The following STAG1 variants were observed in gnomAD, a reference collection of about 807,000 sequenced individuals.
STAG1 encodes STAG1 cohesin complex component, also known as cohesin subunit SA-1.
A neutral mutation model predicts 170.9 loss-of-function variants in STAG1; 26 were observed. That is an observed-to-expected ratio of 0.15 (90% CI 0.11 to 0.21). The LOEUF (loss-of-function observed/expected upper bound fraction) is 0.21, where lower values mean the gene tolerates loss of function less well. Ranked by LOEUF, STAG1 falls within the 10% of genes least tolerant of loss-of-function variation. The probability of loss-of-function intolerance (pLI) is 1.00; values close to 1 mark genes in which losing one functional copy is unlikely to be tolerated. For missense variants in STAG1, 964 were observed against 1,509.5 expected (o/e 0.64, Z 5.99); for synonymous variants, 514 against 497.7 (o/e 1.03, Z -0.44).
At chr3:136,679,576 A>C (rs989665149) in intron 1 of STAG1, among the ~76,000 whole-genome samples, 6 of 152,126 alleles carry the variant, frequency 3.9e-5, no homozygotes, top group Admixed American at 2.0e-4. Context: ...AAAAGACAAA[A>C]AAATTAGCCG....
chr3:136,676,753 A>T (rs920946524), intron 1 of STAG1, among the ~76,000 whole-genome samples: 1 of 150,816 alleles, frequency 6.6e-6, no homozygotes, highest in East Asian at 1.9e-4. Context: ...TTTGTTTTAC[A>T]TCCTTGTTCT....
At chr3:136,685,841 C>T (rs4408829) in intron 1 of STAG1, among the ~76,000 whole-genome samples, 99,600 of 152,022 alleles carry the variant, frequency 0.66, 34,939 homozygotes, top group African/African-American at 0.9. Flanking sequence ...CAAAATATTT[C>T]AGCTGGGAAT....
intron 3 of STAG1, among the ~76,000 whole-genome samples, chr3:136,612,102 C>A (rs1000605903): frequency 1.3e-5 from 2 of 152,140 alleles, no homozygotes; most frequent in Non-Finnish European, 2.9e-5. Flanking sequence ...CCGCCTCGGC[C>A]TCCCAAAGTG....
At chr3:136,351,062 AT>A (rs1191149102) in intron 28 of STAG1, among the ~76,000 whole-genome samples, 1 of 152,164 alleles carries the variant, frequency 6.6e-6, no homozygotes, top group South Asian at 2.1e-4. Flanking sequence ...AATATATATT[AT>A]TTTTTAAAAG....
intron 7 of STAG1, among the ~76,000 whole-genome samples, chr3:136,509,135 A>G (rs1933925167): frequency 6.6e-6 from 1 of 152,264 alleles, no homozygotes; most frequent in Non-Finnish European, 1.5e-5. Context: ...CATTGGCCTT[A>G]GAGGCCACTG....
At chr3:136,472,291 A>G (rs2089646722) in intron 12 of STAG1, 122 bp downstream of exon 12, 1 of 544,260 alleles carries the variant, frequency 1.8e-6, no homozygotes, top group African/African-American at 2.0e-5. Flanking sequence ...GTTAAAATGT[A>G]AAAGTTGAAC....
chr3:136,723,661 G>C (rs1206761285), intron 1 of STAG1, among the ~76,000 whole-genome samples: 34 of 143,128 alleles, frequency 2.4e-4, no homozygotes, highest in African/African-American at 6.8e-4. Context: ...GAGGTGGGGG[G>C]GTCAGCCCCC....
At chr3:136,450,639 A>G (rs574838158) in intron 14 of STAG1, among the ~76,000 whole-genome samples, 2 of 152,330 alleles carry the variant, frequency 1.3e-5, no homozygotes, top group East Asian at 3.9e-4. Context: ...TCGTTTCTTC[A>G]CTGACATTCT....
At chr3:136,378,894 C>A (rs1185973946) in intron 22 of STAG1, among the ~76,000 whole-genome samples, 1 of 152,132 alleles carries the variant, frequency 6.6e-6, no homozygotes, top group Non-Finnish European at 1.5e-5. Context: ...ATTACCTGAG[C>A]AAAGGCTAAT....
intron 12 of STAG1, among the ~76,000 whole-genome samples, chr3:136,468,196 C>CA (rs1215590319): frequency 8.6e-5 from 13 of 152,000 alleles, no homozygotes; most frequent in South Asian, 2.1e-4. Flanking sequence ...AAAAACTCTT[C>CA]AAAAAATCAA....
chr3:136,533,220 G>C (rs1473378910), intron 6 of STAG1, among the ~76,000 whole-genome samples: 1 of 151,926 alleles, frequency 6.6e-6, no homozygotes, highest in Non-Finnish European at 1.5e-5. Context: ...TCTCTATAAG[G>C]AAAACTACAA....
chr3:136,389,827 ATTTT>A (rs1233996683), intron 22 of STAG1, among the ~76,000 whole-genome samples: 1 of 137,964 alleles, frequency 7.2e-6, no homozygotes, highest in Non-Finnish European at 1.6e-5. Flanking sequence ...GCCTTATGCT[ATTTT>A]TTTTTCTTTT....
rs191415756 is a variant in STAG1, at chr3:136,682,448, T to A, written c.-83-51467A>T. On this transcript the variant is annotated intron_variant, in intron 1 of 33. Coordinates refer to ENST00000383202, the MANE Select transcript of STAG1 (RefSeq NM_005862.3). ...TCACAAAATTAAAAAAAAAATAAAATATATATATATATATACACATATGGA... is the reference window on the plus strand; with the variant it reads ...TCACAAAATTAAAAAAAAAATAAAAAATATATATATATATACACATATGGA... Among the ~76,000 whole-genome samples the A allele has an allele frequency of 5.8e-3, 856 of 146,802 alleles. 11 individuals carry two copies. The highest frequency in any genetic ancestry group is 0.049 in the East Asian group (250 of 5,090).
At position 136,604,336 on chromosome 3, in the gene STAG1, C is replaced by T. The variant is rs1938829813; in HGVS notation, c.270G>A (p.Val90=). 6.2e-7 allele frequency: 1 copy of T among 1,609,796 alleles called. No homozygotes were observed. The highest frequency in any genetic ancestry group is 1.3e-5 in the African/African-American group (1 of 74,602). The change falls in exon 4 of 34, where the codon GTG becomes GTA. Residue 90 remains valine, a synonymous_variant. Coordinates refer to ENST00000383202, the MANE Select transcript of STAG1 (RefSeq NM_005862.3). Reference sequence around the variant, plus strand: ...GCATTGCACTTTTCCCCAGTTTCACCACCTCAAATAATGTGACAGGCTCCC... The same window carrying T: ...GCATTGCACTTTTCCCCAGTTTCACTACCTCAAATAATGTGACAGGCTCCC... ...GEGEPVTLFE[V]VKLGKSAMQS...
At chr3:136,465,502 T>C (rs2089427352) in intron 12 of STAG1, among the ~76,000 whole-genome samples, 1 of 129,600 alleles carries the variant, frequency 7.7e-6, no homozygotes, top group South Asian at 2.5e-4. Context: ...ATTATAGGTG[T>C]GAGTCACTGT....
intron 6 of STAG1, among the ~76,000 whole-genome samples, chr3:136,522,690 G>A (rs1291534391): frequency 6.6e-6 from 1 of 151,746 alleles, no homozygotes; most frequent in Non-Finnish European, 1.5e-5. Context: ...ATTTACATGA[G>A]GTATATCTCC....
intron 1 of STAG1, among the ~76,000 whole-genome samples, chr3:136,737,396 C>T (rs1044421030): frequency 2.0e-5 from 3 of 152,126 alleles, no homozygotes; most frequent in Non-Finnish European, 2.9e-5. Context: ...GCCATCATGC[C>T]GGGCCAATTT....
intron 4 of STAG1, among the ~76,000 whole-genome samples, chr3:136,593,340 G>A (rs1938279101): frequency 6.6e-6 from 1 of 152,104 alleles, no homozygotes; most frequent in African/African-American, 2.4e-5. Context: ...TTCACCACTA[G>A]CAAGAAGCAT....
At chr3:136,498,865 C>G (rs147705599) in intron 9 of STAG1, among the ~76,000 whole-genome samples, 2 of 152,146 alleles carry the variant, frequency 1.3e-5, no homozygotes, top group African/African-American at 4.8e-5. Flanking sequence ...TTCAAAAGAA[C>G]ATTTTATTCT....
Sources: allele counts gnomAD v4.1 joint callset (sites outside exome capture counted in the v4.1 genomes callset), GRCh38; gene constraint gnomAD v4.1.1; transcripts MANE v1.5; gene names NCBI Gene and HGNC (gene_info 2026-07-23, HGNC 2026-07-21).